DOCK4: variants seen among roughly 807,000 people sequenced by gnomAD.
DOCK4 encodes dedicator of cytokinesis 4.
DOCK4 carries 97 observed loss-of-function variants against 268.1 expected under a neutral mutation model. The ratio of observed to expected loss-of-function variants is 0.36; its 90% CI spans 0.31 to 0.43. The LOEUF (loss-of-function observed/expected upper bound fraction) is 0.43. DOCK4 is among the 20% of genes least tolerant of loss of function. DOCK4 has a pLI of 1.00. For synonymous variants in DOCK4, 954 were observed against 887.2 expected (o/e 1.08, Z -1.34); for missense variants, 2,145 against 2,455.7 (o/e 0.87, Z 2.67).
At position 112,010,229 on chromosome 7, in the gene DOCK4, GAT is replaced by G. The variant is rs1159704733; in HGVS notation, c.38-6100_38-6099del. Among the ~76,000 whole-genome samples, 3 of 152,200 alleles carry G rather than the reference GAT, an allele frequency of 2.0e-5. No individual in the cohort carries two copies. In the East Asian group the frequency reaches 5.8e-4, roughly 29 times the overall value. On this transcript the variant is annotated intron_variant, in intron 1 of 52. Transcript: ENST00000428084. ...TGTACAAAACCCCACTGTAGGGAAA[GAT>G]AAAATATGGTGGAAAAAAACACATC...
intron 8 of DOCK4, among the ~76,000 whole-genome samples, chr7:111,947,348 G>A (rs1487205600): frequency 3.3e-5 from 5 of 152,172 alleles, no homozygotes; most frequent in Non-Finnish European, 7.3e-5. Flanking sequence ...AGATAGATAC[G>A]TTTAACAGAA....
At position 111,968,633 on chromosome 7, in the gene DOCK4, A is replaced by C. The variant is rs1442009972; in HGVS notation, c.701+8499T>G. On this transcript the variant is annotated intron_variant, in intron 8 of 52. Coordinates refer to ENST00000428084, the MANE Select transcript of DOCK4 (RefSeq NM_001363540.2). ...GGTGGGACTGTAAACTAGTTCAACC[A>C]TTGTGGAAGTCAGTGTGGCGATTCC... 2.5e-5 allele frequency among the ~76,000 whole-genome samples: 3 copies of C among 118,560 alleles called. 1 individual carries two copies. The highest frequency in any genetic ancestry group is 8.7e-5 in the African/African-American group (2 of 23,000). 77.8% of individuals were successfully genotyped at this position (118,560 alleles called of 152,430 possible). A position where few individuals can be genotyped will look rare whatever the true frequency, so the allele number is the denominator to read the frequency against.
At chr7:112,123,465 T>G (rs1208679946) in intron 1 of DOCK4, among the ~76,000 whole-genome samples, 1 of 152,150 alleles carries the variant, frequency 6.6e-6, no homozygotes, top group Non-Finnish European at 1.5e-5. Context: ...AAAAGGACCA[T>G]GAACACATCT....
At chr7:111,752,582 T>A (rs975994361) in intron 42 of DOCK4, among the ~76,000 whole-genome samples, 1 of 61,228 alleles carries the variant, frequency 1.6e-5, no homozygotes, top group Non-Finnish European at 3.2e-5. Context: ...GCTTAGGTTT[T>A]TTTTTTTTTT....
At chr7:112,063,880 T>A (rs1016591833) in intron 1 of DOCK4, among the ~76,000 whole-genome samples, 1 of 152,208 alleles carries the variant, frequency 6.6e-6, no homozygotes, top group African/African-American at 2.4e-5. Context: ...ACATCTGTCA[T>A]ATGACATTTT....
chr7:112,052,440 T>C (rs114342905), intron 1 of DOCK4, among the ~76,000 whole-genome samples: 5,403 of 152,252 alleles, frequency 0.035, 308 homozygotes, highest in African/African-American at 0.12. Flanking sequence ...TTGAATATTC[T>C]TTCCTGTTTC....
intron 1 of DOCK4, among the ~76,000 whole-genome samples, chr7:112,043,317 A>C (rs1452567806): frequency 6.6e-6 from 1 of 152,204 alleles, no homozygotes; most frequent in Non-Finnish European, 1.5e-5. Context: ...ATAATATTCA[A>C]TTCATCTAGA....
intron 13 of DOCK4, among the ~76,000 whole-genome samples, chr7:111,909,101 C>T (rs896742486): frequency 6.6e-6 from 1 of 152,208 alleles, no homozygotes; most frequent in Non-Finnish European, 1.5e-5. Flanking sequence ...CTGACTTCCA[C>T]AATGGTTGAA....
At chr7:111,910,367 G>C (rs1163884575) in intron 13 of DOCK4, among the ~76,000 whole-genome samples, 1 of 152,140 alleles carries the variant, frequency 6.6e-6, no homozygotes, top group Non-Finnish European at 1.5e-5. Flanking sequence ...TTTAGAGTTG[G>C]GCTGTCCAAC....
chr7:112,188,827 T>A (rs548298120), intron 1 of DOCK4, among the ~76,000 whole-genome samples: 1 of 152,362 alleles, frequency 6.6e-6, no homozygotes, highest in African/African-American at 2.4e-5. Context: ...TACACCCTCA[T>A]CATATAAAAG....
At chr7:111,893,168 G>C (rs564035138) in intron 16 of DOCK4, among the ~76,000 whole-genome samples, 3 of 152,314 alleles carry the variant, frequency 2.0e-5, no homozygotes, top group Admixed American at 2.0e-4. Context: ...CTGACGACAG[G>C]CACCTGGACA....
At chr7:111,951,864 T>G (rs1339845867) in intron 8 of DOCK4, among the ~76,000 whole-genome samples, 1 of 151,410 alleles carries the variant, frequency 6.6e-6, no homozygotes, top group African/African-American at 2.4e-5. Context: ...TAAGACCTTG[T>G]CTCAAAAAAA....
At chr7:112,018,425 C>T (rs1162419088) in intron 1 of DOCK4, among the ~76,000 whole-genome samples, 6 of 152,150 alleles carry the variant, frequency 3.9e-5, no homozygotes, top group African/African-American at 1.4e-4. Flanking sequence ...CAACTCAGCA[C>T]TTATCAATTA....
intron 42 of DOCK4, 85 bp downstream of exon 42, chr7:111,755,430 C>T (rs1415391074): frequency 9.2e-6 from 12 of 1,311,444 alleles, no homozygotes; most frequent in East Asian, 2.4e-5. Flanking sequence ...GAATCTGGGT[C>T]GAAGGAGAAG....
intron 8 of DOCK4, among the ~76,000 whole-genome samples, chr7:111,958,807 A>G (rs1045115652): frequency 1.1e-4 from 17 of 152,300 alleles, no homozygotes; most frequent in African/African-American, 4.1e-4. Flanking sequence ...AAAAAAGTGA[A>G]TCAGTTCTAC....
At chr7:111,757,340 G>A (rs1246222514) in intron 41 of DOCK4, among the ~76,000 whole-genome samples, 2 of 152,318 alleles carry the variant, frequency 1.3e-5, no homozygotes, top group African/African-American at 2.4e-5. Context: ...GGCAGAAAAT[G>A]TGAGTTCTAG....
Position 111,734,357 on chromosome 7 carries a change from T to G in DOCK4, c.5419+697A>C, listed in dbSNP as rs149577422. Among the ~76,000 whole-genome samples, 59 of 152,228 alleles carry G rather than the reference T, an allele frequency of 3.9e-4. No individual in the cohort carries two copies. The East Asian group carries it at 8.9e-3, about 23-fold the overall frequency. Reference sequence around the variant, plus strand: ...GTGTACCACCACACCTGGCTAATTTTTATATTTTTTGTAGAGACGGGGTTT... The same window carrying G: ...GTGTACCACCACACCTGGCTAATTTGTATATTTTTTGTAGAGACGGGGTTT... On this transcript the variant is annotated intron_variant, in intron 51 of 52. Transcript: ENST00000428084.
At chr7:111,839,462 T>C (rs1233410752) in intron 25 of DOCK4, among the ~76,000 whole-genome samples, 1 of 152,204 alleles carries the variant, frequency 6.6e-6, no homozygotes, top group Non-Finnish European at 1.5e-5. Flanking sequence ...AAATGACATA[T>C]TATTTGCAAA....
Position 112,206,375 on chromosome 7 carries a change from G to C in DOCK4, c.-237C>G. ...TCCTCCGACGCGCTCCCGGGTACCC[G>C]GCGGCGCAGTCATTGTTCTGATTCA... On this transcript the variant is annotated 5_prime_UTR_variant, in exon 1 of 53. Coordinates refer to ENST00000428084, the MANE Select transcript of DOCK4 (RefSeq NM_001363540.2). 5.1e-6 allele frequency: 3 copies of C among 583,766 alleles called. 1 individual carries two copies. In the South Asian group the frequency reaches 6.2e-5, roughly 12 times the overall value. 36.2% of individuals were successfully genotyped at this position (583,766 alleles called of 1,614,324 possible). A position where few individuals can be genotyped will look rare whatever the true frequency, so the allele number is the denominator to read the frequency against.
Sources: allele counts gnomAD v4.1 joint callset (sites outside exome capture counted in the v4.1 genomes callset), GRCh38; gene constraint gnomAD v4.1.1; transcripts MANE v1.5; gene names NCBI Gene and HGNC (gene_info 2026-07-23, HGNC 2026-07-21).